The following LNPEP variants were observed in gnomAD, a reference collection of about 807,000 sequenced individuals.
The protein encoded by LNPEP is leucyl-cystinyl aminopeptidase.
Under a neutral mutation model 120.6 loss-of-function variants are expected in LNPEP, and 64 were observed. That is an observed-to-expected ratio of 0.53 (90% CI 0.43 to 0.65). LNPEP has a LOEUF of 0.65. Among genes scored for constraint, LNPEP ranks in the 30% least tolerant of loss-of-function variants. The pLI, the probability that LNPEP is intolerant of heterozygous loss-of-function variation, is 0.00. For synonymous variants in LNPEP, 435 were observed against 425.4 expected, an observed-to-expected ratio of 1.02 and a Z score of -0.28; for missense variants, 1,057 against 1,200.0, an observed-to-expected ratio of 0.88 and a Z score of 1.76.
chr5:96,986,465 T>G, intron 3 of LNPEP, 74 bp from the exon 4 acceptor site: 1 of 1,411,262 alleles, frequency 7.1e-7, no homozygotes, highest in Non-Finnish European at 9.8e-7. Context: ...ATTTGAATTT[T>G]CAGTTTCTCA....
chr5:97,015,642 T>G (rs1791048396), intron 13 of LNPEP, among the ~76,000 whole-genome samples: 2 of 152,130 alleles, frequency 1.3e-5, no homozygotes, highest in African/African-American at 4.8e-5. Context: ...TTTGGATACT[T>G]TTAATATTAA....
chr5:97,025,878 TTA>T (rs1791326729), intron 15 of LNPEP, among the ~76,000 whole-genome samples: 1 of 152,224 alleles, frequency 6.6e-6, no homozygotes, highest in Admixed American at 6.5e-5. Context: ...CTATCATAAT[TTA>T]TTTAATCCAT....
At chr5:96,945,058 A>G (rs1319704812) in intron 1 of LNPEP, among the ~76,000 whole-genome samples, 3 of 152,068 alleles carry the variant, frequency 2.0e-5, no homozygotes, top group Non-Finnish European at 4.4e-5. Context: ...ATCTCTTATC[A>G]GAACGTAAAA....
At chr5:96,954,257 C>T (rs908237926) in intron 1 of LNPEP, among the ~76,000 whole-genome samples, 2 of 152,148 alleles carry the variant, frequency 1.3e-5, no homozygotes, top group Non-Finnish European at 2.9e-5. Context: ...ATAAGGTCAG[C>T]TGGCCTGAGC....
At chr5:96,955,838 C>T (rs114939868) in intron 1 of LNPEP, among the ~76,000 whole-genome samples, 273 of 152,316 alleles carry the variant, frequency 1.8e-3, no homozygotes, top group African/African-American at 6.3e-3. Context: ...TCATCTGGTA[C>T]TGTAAGTTTT....
At chr5:97,013,458 T>C (rs2112657242) in intron 11 of LNPEP, among the ~76,000 whole-genome samples, 190 bp from the exon 12 acceptor site, 1 of 152,318 alleles carries the variant, frequency 6.6e-6, no homozygotes, top group Middle Eastern at 3.4e-3. Flanking sequence ...TATTGCACAG[T>C]AAATAAATAA....
chr5:97,003,426 C>G lies in LNPEP; in HGVS notation c.1665C>G (p.Leu555=), dbSNP rs2112642144. Residue 555 remains leucine (L), a synonymous_variant, in exon 9 of 18, where the codon CTC becomes CTG. Coordinates refer to ENST00000231368, the MANE Select transcript of LNPEP (RefSeq NM_005575.3). ...DSLSYFKGSS[L]LLMLKTYLSE... ...TTTTTTTTTAATAGGGATCTTCTCT[C>G]TTGTTGATGTTGAAAACTTACCTTA... 7 of 1,548,986 alleles carry G rather than the reference C, an allele frequency of 4.5e-6. No individual in the cohort carries two copies. Among genetic ancestry groups the G allele is most frequent in the Non-Finnish European group, 6.2e-6 (7 of 1,136,780 alleles).
chr5:96,998,008 TGACAG>T lies in LNPEP; in HGVS notation c.1522-5_1522-1del. 6.5e-7 allele frequency: 1 copy of T among 1,543,360 alleles called. No homozygotes were observed. Among genetic ancestry groups the T allele is most frequent in the Non-Finnish European group, 8.8e-7 (1 of 1,134,002 alleles). On this transcript the variant is annotated splice_acceptor_variant and splice_polypyrimidine_tract_variant and intron_variant, in intron 7 of 17. Transcript: ENST00000231368. LOFTEE classifies it high-confidence loss of function. ...GTGATATTCTAATCTTTTCATTTTT[TGACAG>T]TATGAAGATTTCTTAGATGCTCGAT... is the stretch of plus-strand genomic sequence containing the variant.
intron 8 of LNPEP, among the ~76,000 whole-genome samples, chr5:97,000,306 G>A (rs1302451913): frequency 1.3e-5 from 2 of 152,160 alleles, no homozygotes; most frequent in African/African-American, 2.4e-5. Flanking sequence ...ATTCCAGGTA[G>A]AAGAAATAAC....
At chr5:97,026,593 G>T (rs1195215649) in intron 15 of LNPEP, 24 bp from the exon 16 acceptor site, 1 of 1,594,200 alleles carries the variant, frequency 6.3e-7, no homozygotes, top group Non-Finnish European at 8.6e-7. Flanking sequence ...TAATTTTGGA[G>T]GCTAAATCTG....
chr5:97,024,367 T>G (rs1791287924), intron 14 of LNPEP, among the ~76,000 whole-genome samples, 154 bp from the exon 15 acceptor site: 1 of 152,174 alleles, frequency 6.6e-6, no homozygotes, highest in Non-Finnish European at 1.5e-5. Context: ...AAGATAGCAG[T>G]CACTGAATTA....
rs1457168932 is a variant in LNPEP, at chr5:97,030,441, ATG to A, written c.*1911_*1912del. On this transcript the variant is annotated 3_prime_UTR_variant, in exon 18 of 18. Coordinates refer to ENST00000231368, the MANE Select transcript of LNPEP (RefSeq NM_005575.3). ...TTGTTGTCGTTGCTGGTTTTTTACC[ATG>A]TGGTACTAAATTCCACTTTGATACA... 2.0e-5 allele frequency: 3 copies of A among 152,180 alleles called. No homozygotes were observed. The highest frequency in any genetic ancestry group is 2.9e-5 in the Non-Finnish European group (2 of 68,024). 9.4% of individuals were successfully genotyped at this position (152,180 alleles called of 1,614,324 possible). A position where few individuals can be genotyped will look rare whatever the true frequency, so the allele number is the denominator to read the frequency against.
chr5:96,946,286 TC>T (rs1156756418), intron 1 of LNPEP, among the ~76,000 whole-genome samples: 1 of 152,218 alleles, frequency 6.6e-6, no homozygotes, highest in Non-Finnish European at 1.5e-5. Flanking sequence ...CAGCCTCACT[TC>T]CATCTGCATC....
intron 9 of LNPEP, among the ~76,000 whole-genome samples, chr5:97,005,621 A>C: frequency 6.6e-6 from 1 of 152,192 alleles, no homozygotes; most frequent in East Asian, 1.9e-4. Flanking sequence ...AGGAGCATAA[A>C]GAGAAACCCA....
Position 97,028,529 on chromosome 5 carries a change from T to A in LNPEP, c.3074T>A (p.Leu1025Gln), listed in dbSNP as rs1349845045. ...AACCTCAAAAGTCTCACATGGTGGCTGTAGCATGCACAACCGCACCTCATT... is the reference window on the plus strand; with the variant it reads ...AACCTCAAAAGTCTCACATGGTGGCAGTAGCATGCACAACCGCACCTCATT... The part of the protein sequence containing the change: ...EKNLKSLTWW[L>Q] Residue 1025 changes from leucine to glutamine, a missense_variant, in exon 18 of 18, where the codon CTG becomes CAG. Physicochemically the swap from Leu to Gln is moderately radical, Grantham distance 113 (BLOSUM62 -2). Coordinates refer to ENST00000231368, the MANE Select transcript of LNPEP (RefSeq NM_005575.3). The A allele has an allele frequency of 6.2e-7, 1 of 1,613,670 alleles. No homozygotes were observed. Among genetic ancestry groups the A allele is most frequent in the Non-Finnish European group, 8.5e-7 (1 of 1,179,650 alleles).
chr5:96,986,810 A>G, intron 4 of LNPEP, 140 bp downstream of exon 4: 2 of 766,998 alleles, frequency 2.6e-6, no homozygotes, highest in Middle Eastern at 2.5e-4. Context: ...CAGAAATGCT[A>G]CTTTTTTGCT....
At chr5:96,973,077 A>G (rs1409597573) in intron 1 of LNPEP, among the ~76,000 whole-genome samples, 1 of 152,178 alleles carries the variant, frequency 6.6e-6, no homozygotes, top group African/African-American at 2.4e-5. Flanking sequence ...TTACACAAAC[A>G]GGTGTCAGGA....
intron 1 of LNPEP, among the ~76,000 whole-genome samples, chr5:96,957,317 G>C (rs62377827): frequency 2.6e-5 from 4 of 152,036 alleles, no homozygotes; most frequent in Non-Finnish European, 5.9e-5. Flanking sequence ...GTGGCCAGTG[G>C]CTCCAATGTT....
intron 1 of LNPEP, among the ~76,000 whole-genome samples, chr5:96,959,137 A>G (rs1295174642): frequency 6.6e-6 from 1 of 152,082 alleles, no homozygotes; most frequent in Admixed American, 6.5e-5. Context: ...GTCCTGGATA[A>G]TCTTTCCATC....
Sources: gnomAD v4.1 joint callset for allele counts (sites outside exome capture counted in the v4.1 genomes callset) on GRCh38, gnomAD v4.1.1 for gene constraint, MANE v1.5 for transcripts, NCBI Gene and HGNC (gene_info 2026-07-23, HGNC 2026-07-21) for gene names.